Variants in FILIP1 observed in about 807,000 individuals in gnomAD.
The protein encoded by FILIP1 is filamin A interacting protein 1, also known as filamin-A-interacting protein 1.
FILIP1 carries 61 observed loss-of-function variants against 102.1 expected under a neutral mutation model. The observed-to-expected ratio is 0.60, with a 90% CI of 0.49 to 0.74. The LOEUF is 0.74. Among genes scored for constraint, FILIP1 ranks in the 30% least tolerant of loss-of-function variants. The pLI is 0.00. For missense variants in FILIP1, 1,314 were observed against 1,441.2 expected (o/e 0.91, Z 1.43); for synonymous variants, 491 against 526.9 (o/e 0.93, Z 0.93).
At position 75,355,210 on chromosome 6, in the gene FILIP1, G is replaced by T. The variant is rs150138602; in HGVS notation, c.451-1493C>A. On this transcript the variant is annotated intron_variant, in intron 3 of 5. Transcript: ENST00000237172. ...CTTGGGAGGCCGAGGCAGAAAAATC[G>T]CTTGAACCCGGGAGGCAGAGGTTGT... 5.1e-4 allele frequency among the ~76,000 whole-genome samples: 77 copies of T among 151,858 alleles called. 1 individual carries two copies. Among genetic ancestry groups the T allele is most frequent in the Middle Eastern group, 3.4e-3 (1 of 294 alleles).
intron 4 of FILIP1, among the ~76,000 whole-genome samples, chr6:75,321,547 C>T (rs921570284): frequency 1.3e-5 from 2 of 152,220 alleles, no homozygotes; most frequent in Admixed American, 6.5e-5. Flanking sequence ...GTAATCCCAG[C>T]ACTTTGGGAG....
At chr6:75,424,865 G>A (rs1218228949) in intron 1 of FILIP1, among the ~76,000 whole-genome samples, 3 of 152,112 alleles carry the variant, frequency 2.0e-5, no homozygotes, top group African/African-American at 7.2e-5. Flanking sequence ...TGCTGCTTAT[G>A]ACTTCATGTG....
Position 75,312,617 on chromosome 6 carries a change from C to G in FILIP1, c.3215G>C (p.Gly1072Ala), listed in dbSNP as rs375230665. The G allele has an allele frequency of 1.3e-5, 21 of 1,613,952 alleles. No individual in the cohort carries two copies. The African/African-American group carries it at 2.8e-4, about 22-fold the overall frequency. Reference sequence around the variant, plus strand: ...CCCAGGGGACCGTTTAAACTGAGACCCTAAGTGAATGTGAATTTTATTGTC... The same window carrying G: ...CCCAGGGGACCGTTTAAACTGAGACGCTAAGTGAATGTGAATTTTATTGTC... ...TEDNKIHIHL[G>A]SQFKRSPGTS... is the part of the protein sequence containing the mutation. Residue 1072 changes from glycine (G) to alanine (A), a missense_variant, in exon 5 of 6, where the codon GGG becomes GCG. Physicochemically the swap from Gly to Ala is moderately conservative, Grantham distance 60 (BLOSUM62 0). This residue lies in a region of FILIP1 where 816 missense variants were observed against 913.1 expected (regional missense o/e 0.89). Transcript: ENST00000237172.
intron 2 of FILIP1, among the ~76,000 whole-genome samples, chr6:75,383,969 T>C (rs1775992155): frequency 6.6e-6 from 1 of 152,152 alleles, no homozygotes; most frequent in South Asian, 2.1e-4. Flanking sequence ...TACCACCTTA[T>C]TTTTTTATTC....
intron 3 of FILIP1, among the ~76,000 whole-genome samples, chr6:75,359,296 G>A (rs529747345): frequency 3.3e-5 from 5 of 152,254 alleles, no homozygotes; most frequent in South Asian, 2.1e-4. Context: ...ATGAGCCACC[G>A]CGCCCAGTGA....
chr6:75,388,320 C>T (rs1208588673), intron 2 of FILIP1, among the ~76,000 whole-genome samples: 1 of 152,118 alleles, frequency 6.6e-6, no homozygotes, highest in African/African-American at 2.4e-5. Flanking sequence ...AGCGTGATGC[C>T]TCCAGCTTTG....
intron 1 of FILIP1, among the ~76,000 whole-genome samples, chr6:75,437,200 A>C (rs932810888): frequency 1.3e-5 from 2 of 152,216 alleles, no homozygotes; most frequent in Non-Finnish European, 2.9e-5. Flanking sequence ...CCACAGTATT[A>C]TGGCTGGTTC....
intron 3 of FILIP1, among the ~76,000 whole-genome samples, chr6:75,360,240 C>T (rs1775131436): frequency 6.6e-6 from 1 of 152,162 alleles, no homozygotes; most frequent in South Asian, 2.1e-4. Context: ...CTTCTTTATA[C>T]TGAGTCCTAA....
rs140198270 is a variant in FILIP1, at chr6:75,388,990, T to C, written c.276+25707A>G. 5.8e-3 allele frequency among the ~76,000 whole-genome samples: 882 copies of C among 152,342 alleles called. 5 individuals are homozygous for C. Among genetic ancestry groups the C allele is most frequent in the South Asian group, 0.057 (276 of 4,832 alleles). The stretch of plus-strand genomic sequence containing the variant: ...GCTTCCAGCTTTTGCCCATTCAGTA[T>C]GATATTTGCTGTGAGTGTGTCATAA... On this transcript the variant is annotated intron_variant, in intron 2 of 5. Transcript: ENST00000237172.
At chr6:75,305,735 C>T (rs1055980854), downstream of FILIP1, among the ~76,000 whole-genome samples, 1 of 152,094 alleles carries the variant, frequency 6.6e-6, no homozygotes, top group Non-Finnish European at 1.5e-5. Flanking sequence ...CAGTGAAGAC[C>T]AGGGTCTCCT....
intron 2 of FILIP1, 139 bp from the exon 3 acceptor site, chr6:75,363,056 A>T: frequency 3.5e-5 from 22 of 625,886 alleles, no homozygotes; most frequent in South Asian, 5.7e-5. Context: ...TTCTGCTCTA[A>T]TTTTTTTTTT....
intron 4 of FILIP1, among the ~76,000 whole-genome samples, chr6:75,327,885 C>T (rs1408416444): frequency 6.6e-6 from 1 of 151,898 alleles, no homozygotes; most frequent in Admixed American, 6.6e-5. Flanking sequence ...AAACCTCCAC[C>T]CACGAAAGAT....
chr6:75,470,031 A>G (rs935516784), intron 1 of FILIP1, among the ~76,000 whole-genome samples: 2 of 152,124 alleles, frequency 1.3e-5, no homozygotes, highest in Non-Finnish European at 2.9e-5. Context: ...GCCCACTGCT[A>G]CTGTTACTAT....
chr6:75,338,130 T>C (rs1205172466), intron 4 of FILIP1, among the ~76,000 whole-genome samples: 1 of 152,342 alleles, frequency 6.6e-6, no homozygotes, highest in South Asian at 2.1e-4. Context: ...TGACCTCTTA[T>C]ATGATATTAG....
intron 2 of FILIP1, among the ~76,000 whole-genome samples, chr6:75,408,356 A>T (rs1472907870): frequency 6.6e-6 from 1 of 152,210 alleles, no homozygotes; most frequent in Non-Finnish European, 1.5e-5. Flanking sequence ...GACTCCCTAA[A>T]ATGCAAAATC....
At chr6:75,321,354 T>C (rs1773647669) in intron 4 of FILIP1, among the ~76,000 whole-genome samples, 1 of 152,152 alleles carries the variant, frequency 6.6e-6, no homozygotes, top group Non-Finnish European at 1.5e-5. Context: ...GTGACAGAAC[T>C]CCTAGGAGGA....
intron 3 of FILIP1, among the ~76,000 whole-genome samples, chr6:75,356,232 A>T (rs1011090927): frequency 2.6e-5 from 4 of 152,062 alleles, no homozygotes; most frequent in Non-Finnish European, 5.9e-5. Context: ...TATAAGGAGG[A>T]TTTGAAGTTC....
chr6:75,491,374 AT>A (rs1485238471), intron 1 of FILIP1, among the ~76,000 whole-genome samples: 1 of 152,158 alleles, frequency 6.6e-6, no homozygotes, highest in Non-Finnish European at 1.5e-5. Context: ...GTGCCAGATG[AT>A]GGAAGGTTTT....
At chr6:75,292,669 TAAA>T (rs1364867431) in exon 7 of FILIP1, 1 of 151,890 alleles carries the variant, frequency 6.6e-6, no homozygotes, top group African/African-American at 2.4e-5. Context: ...GCACTGGAGA[TAAA>T]GAAGGGGAAA....
Sources: gnomAD v4.1 joint callset for allele counts (sites outside exome capture counted in the v4.1 genomes callset) on GRCh38, gnomAD v4.1.1 for gene constraint, gnomAD v4.1.1 regional missense constraint, MANE v1.5 for transcripts, NCBI Gene and HGNC (gene_info 2026-07-23, HGNC 2026-07-21) for gene names.